Variants in KCNAB1 observed in about 807,000 individuals in gnomAD.
The protein encoded by KCNAB1 is potassium voltage-gated channel subfamily A regulatory beta subunit 1.
KCNAB1 carries 35 observed loss-of-function variants against 64.6 expected under a neutral mutation model. The ratio of observed to expected loss-of-function variants is 0.54; its 90% CI spans 0.41 to 0.72. The LOEUF is 0.72. Ranked by LOEUF, KCNAB1 falls within the 30% of genes least tolerant of loss-of-function variation. KCNAB1 has a pLI of 0.00. For synonymous variants in KCNAB1, 177 were observed against 183.8 expected, an observed-to-expected ratio of 0.96 and a Z score of 0.30; for missense variants, 401 against 512.9, an observed-to-expected ratio of 0.78 and a Z score of 2.11.
intron 2 of KCNAB1, among the ~76,000 whole-genome samples, chr3:156,429,552 T>C (rs377173539): frequency 1.5e-4 from 23 of 152,372 alleles, no homozygotes; most frequent in African/African-American, 5.3e-4. Context: ...CATTCATATG[T>C]GCAGAATGTA....
chr3:156,177,812 C>T (rs180740842), intron 1 of KCNAB1, among the ~76,000 whole-genome samples: 3 of 152,258 alleles, frequency 2.0e-5, no homozygotes, highest in African/African-American at 4.8e-5. Flanking sequence ...ATGATCTTGG[C>T]TCACTGCCAC....
intron 1 of KCNAB1, among the ~76,000 whole-genome samples, chr3:156,416,421 T>C: frequency 6.6e-6 from 1 of 152,330 alleles, no homozygotes; most frequent in East Asian, 1.9e-4. Flanking sequence ...TTGCACATGC[T>C]GTTCACTCTG....
rs1718114294 is a variant in KCNAB1 at position 156,523,828 on chromosome 3, G to A, written c.962G>A (p.Cys321Tyr). The change falls in exon 12 of 14, where the codon TGC becomes TAC. Residue 321 changes from cysteine to tyrosine, a missense_variant and splice_region_variant. By Grantham distance (194) the Cys-to-Tyr change is radical (BLOSUM62 -2). Transcript: ENST00000490337. ...VPESSRASLK[C>Y]YQWLKERIVS... ...TTTCAATGTTATGCTTTTCCCCAGT[G>A]CTACCAGTGGTTGAAAGAAAGAATT... 1.2e-6 allele frequency: 2 copies of A among 1,612,480 alleles called. No individual in the cohort carries two copies. Among genetic ancestry groups the A allele is most frequent in the Non-Finnish European group, 1.7e-6 (2 of 1,178,950 alleles).
intron 1 of KCNAB1, among the ~76,000 whole-genome samples, chr3:156,343,394 A>G (rs566959512): frequency 3.9e-5 from 6 of 152,164 alleles, no homozygotes; most frequent in Non-Finnish European, 8.8e-5. Flanking sequence ...CCCCTACCTG[A>G]CTGCTATAAG....
rs116163621 is a variant in KCNAB1 at position 156,522,629 on chromosome 3, G to A, written c.961-1198G>A. On this transcript the variant is annotated intron_variant, in intron 11 of 13. Transcript: ENST00000490337. ...GGCTTGCCCTTCTCCTTTTCTCATC[G>A]GCAAAATAACTCAAAAAAATCACAA... Among the ~76,000 whole-genome samples the A allele has an allele frequency of 1.2e-3, 185 of 152,186 alleles. 2 individuals carry two copies. Among genetic ancestry groups the A allele is most frequent in the African/African-American group, 4.4e-3 (181 of 41,514 alleles).
intron 1 of KCNAB1, among the ~76,000 whole-genome samples, chr3:156,298,376 G>C (rs1489794078): frequency 6.6e-6 from 1 of 152,192 alleles, no homozygotes; most frequent in African/African-American, 2.4e-5. Flanking sequence ...CTTCAGTTTG[G>C]TTGTTACACA....
At chr3:156,167,601 GA>G (rs1236684640) in intron 1 of KCNAB1, among the ~76,000 whole-genome samples, 1 of 152,068 alleles carries the variant, frequency 6.6e-6, no homozygotes, top group African/African-American at 2.4e-5. Flanking sequence ...TTACTTTGAA[GA>G]AAAACTCATT....
chr3:156,526,085 A>G lies in KCNAB1; in HGVS notation c.1081+2138A>G, dbSNP rs537243041. On this transcript the variant is annotated intron_variant, in intron 12 of 13. Coordinates refer to ENST00000490337, the MANE Select transcript of KCNAB1 (RefSeq NM_172160.3). Reference sequence around the variant, plus strand: ...GTATACCATTTTATACCATATTTTTACCATACCTTTTCTATGTTTAGATAC... The same window carrying G: ...GTATACCATTTTATACCATATTTTTGCCATACCTTTTCTATGTTTAGATAC... Among the ~76,000 whole-genome samples, 3 of 152,192 alleles carry G rather than the reference A, an allele frequency of 2.0e-5. No individual in the cohort carries two copies. The South Asian group carries it at 6.2e-4, about 32-fold the overall frequency.
chr3:156,324,823 T>G (rs1017209180), intron 1 of KCNAB1, among the ~76,000 whole-genome samples: 2 of 152,200 alleles, frequency 1.3e-5, no homozygotes, highest in African/African-American at 4.8e-5. Context: ...CTAAGAGGCT[T>G]AGTCCAGACC....
Position 156,538,464 on chromosome 3 carries a change from G to T in KCNAB1, c.*1717G>T, listed in dbSNP as rs1387474938. The T allele has an allele frequency of 6.6e-6, 1 of 152,170 alleles. No homozygotes were observed. The highest frequency in any genetic ancestry group is 1.5e-5 in the Non-Finnish European group (1 of 68,030). 9.4% of individuals were successfully genotyped at this position (152,170 alleles called of 1,614,324 possible). A position where few individuals can be genotyped will look rare whatever the true frequency, so the allele number is the denominator to read the frequency against. On this transcript the variant is annotated 3_prime_UTR_variant, in exon 14 of 14. Coordinates refer to ENST00000490337, the MANE Select transcript of KCNAB1 (RefSeq NM_172160.3). ...CCGTGTTATCAGAATGATGGAAATT[G>T]ATCATTTTCAGTTGTTCATTGTGTA...
chr3:156,464,471 C>T (rs1376985832), intron 6 of KCNAB1, among the ~76,000 whole-genome samples: 1 of 103,844 alleles, frequency 9.6e-6, no homozygotes, highest in African/African-American at 5.7e-5. Flanking sequence ...ATCTTTGAGA[C>T]AGAAATCGCA....
chr3:156,449,644 G>A (rs1477539640), intron 2 of KCNAB1, among the ~76,000 whole-genome samples: 1 of 152,216 alleles, frequency 6.6e-6, no homozygotes, highest in East Asian at 1.9e-4. Context: ...CATAAAGTTT[G>A]AAGTCTGAGA....
At chr3:156,143,146 G>C (rs1660583180) in intron 1 of KCNAB1, 1 of 1,555,758 alleles carries the variant, frequency 6.4e-7, no homozygotes, top group South Asian at 1.2e-5. Flanking sequence ...TAAGCACCGT[G>C]CAATTAGCTT....
At chr3:156,278,984 C>T (rs1719524154) in intron 1 of KCNAB1, among the ~76,000 whole-genome samples, 1 of 150,926 alleles carries the variant, frequency 6.6e-6, no homozygotes, top group Non-Finnish European at 1.5e-5. Context: ...TTTTATTATA[C>T]TTTTAAGTTT....
At chr3:156,158,538 T>C (rs1229660320) in intron 1 of KCNAB1, among the ~76,000 whole-genome samples, 1 of 152,240 alleles carries the variant, frequency 6.6e-6, no homozygotes, top group East Asian at 1.9e-4. Context: ...ACTTGTTTTT[T>C]TTGCAAGTAA....
At chr3:156,404,733 G>A (rs1233223467) in intron 1 of KCNAB1, among the ~76,000 whole-genome samples, 2 of 152,186 alleles carry the variant, frequency 1.3e-5, no homozygotes, top group African/African-American at 2.4e-5. Context: ...CAGCCCTAAA[G>A]TCAGAGGTCC....
At chr3:156,474,581 T>C in intron 7 of KCNAB1, 153 bp from the exon 8 acceptor site, 1 of 551,564 alleles carries the variant, frequency 1.8e-6, no homozygotes. Flanking sequence ...TTTAAAACGT[T>C]CTAGAGTCAA....
intron 8 of KCNAB1, among the ~76,000 whole-genome samples, chr3:156,480,337 A>C (rs1714696016): frequency 6.6e-6 from 1 of 152,102 alleles, no homozygotes. Flanking sequence ...ATCATTAAAA[A>C]AGTAAAAAGA....
In KCNAB1 at chr3:156,508,866, A is replaced by C. The variant is rs1044196212; in HGVS notation, c.659-5498A>C. On this transcript the variant is annotated intron_variant, in intron 8 of 13. Coordinates refer to ENST00000490337, the MANE Select transcript of KCNAB1 (RefSeq NM_172160.3). The surrounding 1 kb of genome is among the most constrained non-coding windows in gnomAD (Gnocchi z 4.1). Reference sequence around the variant, plus strand: ...CGCTGGGGAGGCATCATTAGGTTAAAGAATAATGATTATTTCAACCTGGAA... The same window carrying C: ...CGCTGGGGAGGCATCATTAGGTTAACGAATAATGATTATTTCAACCTGGAA... 6.6e-6 allele frequency among the ~76,000 whole-genome samples: 1 copy of C among 152,250 alleles called. No homozygotes were observed. Among genetic ancestry groups the C allele is most frequent in the Non-Finnish European group, 1.5e-5 (1 of 68,046 alleles).
Sources: gnomAD v4.1 joint callset for allele counts (sites outside exome capture counted in the v4.1 genomes callset) on GRCh38, gnomAD v4.1.1 for gene constraint, Gnocchi (gnomAD v3.1) non-coding constraint, MANE v1.5 for transcripts, NCBI Gene and HGNC (gene_info 2026-07-23, HGNC 2026-07-21) for gene names.